QSER1: variants seen among roughly 807,000 people sequenced by gnomAD.
The protein encoded by QSER1 is glutamine and serine rich 1, also known as glutamine and serine-rich protein 1.
QSER1 carries 49 observed loss-of-function variants against 158.5 expected under a neutral mutation model. That is an observed-to-expected ratio of 0.31 (90% CI 0.25 to 0.39). The LOEUF is 0.39. Among genes scored for constraint, QSER1 ranks in the 10% least tolerant of loss-of-function variants. QSER1 has a pLI of 1.00. For synonymous variants in QSER1, 650 were observed against 715.5 expected (o/e 0.91, Z 1.46); for missense variants, 1,754 against 2,010.3 (o/e 0.87, Z 2.44).
At chr11:32,913,366 A>T (rs1299989100) in intron 1 of QSER1, among the ~76,000 whole-genome samples, 1 of 150,530 alleles carries the variant, frequency 6.6e-6, no homozygotes, top group Non-Finnish European at 1.5e-5. Flanking sequence ...AATTTTTTGT[A>T]TTTATTTTAG....
chr11:32,931,860 T>G lies in QSER1; in HGVS notation c.602T>G (p.Phe201Cys). 1 of 1,614,154 alleles carries G rather than the reference T, an allele frequency of 6.2e-7. No individual in the cohort carries two copies. The highest frequency in any genetic ancestry group is 2.2e-5 in the East Asian group (1 of 44,880). ...CCCACCACCTTCAGCAATAGAAACT[T>G]TGCTACCACTTCACCTTTGGTGCTT... ...QHPTTFSNRNFATTSPLVLQD... is the reference protein window; with the variant it reads ...QHPTTFSNRNCATTSPLVLQD... The change falls in exon 4 of 13, where the codon TTT (phenylalanine) becomes TGT (cysteine). Residue 201 changes from phenylalanine (F) to cysteine (C), a missense_variant. Transcript: ENST00000650167.
At chr11:32,943,717 T>C (rs1395059804) in intron 4 of QSER1, among the ~76,000 whole-genome samples, 2 of 151,722 alleles carry the variant, frequency 1.3e-5, no homozygotes, top group East Asian at 1.9e-4. Flanking sequence ...TGTCTCTGCC[T>C]GGCTTTGGTA....
In QSER1 at chr11:32,932,264, G is replaced by A; in HGVS notation, c.1006G>A (p.Gly336Ser). The A allele has an allele frequency of 6.2e-7, 1 of 1,614,032 alleles. No individual in the cohort carries two copies. The part of the protein sequence containing the change: ...GTQSIQAQLT[G>S]SQHSLHSYLS... The stretch of plus-strand genomic sequence containing the variant: ...CCAGTCAATTCAGGCACAACTGACT[G>A]GTTCACAGCACTCCTTACATAGTTA... Residue 336 changes from glycine (G) to serine (S), a missense_variant, in exon 4 of 13, where the codon GGT becomes AGT. Transcript: ENST00000650167.
chr11:32,947,542 A>G (rs567165978), intron 4 of QSER1, among the ~76,000 whole-genome samples: 1 of 152,320 alleles, frequency 6.6e-6, no homozygotes, highest in African/African-American at 2.4e-5. Flanking sequence ...CCCAGCAAAT[A>G]TAAAAGGGAG....
chr11:32,921,598 C>T (rs1244539294), intron 1 of QSER1, among the ~76,000 whole-genome samples: 1 of 152,160 alleles, frequency 6.6e-6, no homozygotes, highest in Non-Finnish European at 1.5e-5. Flanking sequence ...AAGAATTATA[C>T]ACTAAACACT....
chr11:32,928,444 T>G (rs866422990), intron 3 of QSER1, among the ~76,000 whole-genome samples: 64 of 152,328 alleles, frequency 4.2e-4, no homozygotes, highest in African/African-American at 1.5e-3. Context: ...TTTATTTTAG[T>G]GACTTCAGAA....
At chr11:32,936,943 T>C (rs1256252914) in intron 4 of QSER1, among the ~76,000 whole-genome samples, 5 of 152,202 alleles carry the variant, frequency 3.3e-5, no homozygotes, top group Non-Finnish European at 7.3e-5. Flanking sequence ...AGAAAGTCAG[T>C]CTCAGATTCA....
At chr11:32,943,230 TCTC>T (rs1852270586) in intron 4 of QSER1, among the ~76,000 whole-genome samples, 1 of 151,826 alleles carries the variant, frequency 6.6e-6, no homozygotes, top group African/African-American at 2.4e-5. Context: ...TTTATTTCCT[TCTC>T]CTGCCTAATT....
In QSER1 at chr11:32,934,849, T is replaced by G; in HGVS notation, c.3591T>G (p.His1197Gln). 1 of 1,614,034 alleles carries G rather than the reference T, an allele frequency of 6.2e-7. No individual in the cohort carries two copies. Among genetic ancestry groups the G allele is most frequent in the Non-Finnish European group, 8.5e-7 (1 of 1,179,994 alleles). The change falls in exon 4 of 13, where the codon CAT becomes CAG. Residue 1197 changes from histidine (H) to glutamine (Q), a missense_variant. His to Gln is a conservative substitution (Grantham distance 24). Transcript: ENST00000650167. ...KIEEENQDLM[H>Q]FNLQKKRAKG... ...AAGAAGAAAACCAAGATTTAATGCA[T>G]TTTAACCTTCAAAAGAAAAGAGCTA...
At chr11:32,959,395 A>G (rs1852581793) in intron 8 of QSER1, among the ~76,000 whole-genome samples, 1 of 152,268 alleles carries the variant, frequency 6.6e-6, no homozygotes, top group African/African-American at 2.4e-5. Flanking sequence ...GTATGCCATA[A>G]TAAAGCTAAA....
intron 7 of QSER1, 141 bp downstream of exon 7, chr11:32,956,262 GTGAT>G (rs1788059846): frequency 1.4e-6 from 1 of 702,374 alleles, no homozygotes; most frequent in Admixed American, 3.0e-5. Context: ...GATGAAATAA[GTGAT>G]TCTTTTGAAG....
chr11:32,927,917 A>ATTT (rs60934028), intron 2 of QSER1, 45 bp from the exon 3 acceptor site: 420 of 395,138 alleles, frequency 1.1e-3, no homozygotes, highest in Non-Finnish European at 1.4e-3. Flanking sequence ...ATACAAGTAA[A>ATTT]TTTTTTTTTT....
At chr11:32,960,731 G>A (rs1325829315) in intron 8 of QSER1, among the ~76,000 whole-genome samples, 1 of 152,124 alleles carries the variant, frequency 6.6e-6, no homozygotes, top group East Asian at 1.9e-4. Context: ...CAAATGACAA[G>A]GTAACATTTT....
At chr11:32,931,654 T>A in intron 3 of QSER1, 89 bp from the exon 4 acceptor site, 1 of 1,025,162 alleles carries the variant, frequency 9.8e-7, no homozygotes, top group Non-Finnish European at 1.4e-6. Flanking sequence ...GACATTTTGA[T>A]GAGTTGAGGG....
chr11:32,917,821 C>CA (rs371007117), intron 1 of QSER1, among the ~76,000 whole-genome samples: 31,756 of 80,400 alleles, frequency 0.39, 6,763 homozygotes, highest in South Asian at 0.51. Context: ...GACTCTGTCT[C>CA]AAAAAAAAAA....
chr11:32,909,843 T>G (rs976610313), intron 1 of QSER1, among the ~76,000 whole-genome samples: 2 of 152,174 alleles, frequency 1.3e-5, no homozygotes, highest in African/African-American at 4.8e-5. Flanking sequence ...CATGACATTA[T>G]AAGGTGTATT....
At chr11:32,917,840 A>C (rs60104467) in intron 1 of QSER1, among the ~76,000 whole-genome samples, 3,343 of 151,094 alleles carry the variant, frequency 0.022, 64 homozygotes, top group African/African-American at 0.05. Context: ...AAAAAAAAAA[A>C]AAAACCAGCA....
intron 4 of QSER1, among the ~76,000 whole-genome samples, chr11:32,948,014 C>T (rs1852363919): frequency 6.6e-6 from 1 of 151,922 alleles, no homozygotes; most frequent in African/African-American, 2.4e-5. Context: ...AAGAAAAATA[C>T]AAAACAAAAC....
intron 1 of QSER1, among the ~76,000 whole-genome samples, chr11:32,894,142 G>T (rs180705927): frequency 1.1e-3 from 165 of 152,234 alleles, no homozygotes; most frequent in Non-Finnish European, 1.7e-3. Context: ...TCTCCATCTC[G>T]GCCTTTAAGG....
Sources: allele counts gnomAD v4.1 joint callset (sites outside exome capture counted in the v4.1 genomes callset), GRCh38; gene constraint gnomAD v4.1.1; transcripts MANE v1.5; gene names NCBI Gene and HGNC (gene_info 2026-07-23, HGNC 2026-07-21).